The following BAALC variants were observed in gnomAD, a reference collection of about 807,000 sequenced individuals.
BAALC encodes the protein BAALC binder of MAP3K1 and KLF4, also known as brain and acute leukemia cytoplasmic protein.
BAALC carries 9 observed loss-of-function variants against 15.5 expected under a neutral mutation model. That is an observed-to-expected ratio of 0.58 (90% CI 0.35 to 1.02). BAALC has a LOEUF of 1.02. Among genes scored for constraint, BAALC ranks in the 50% least tolerant of loss-of-function variants. The pLI, the probability that BAALC is intolerant of heterozygous loss-of-function variation, is 0.02. For missense variants in BAALC, 201 were observed against 192.4 expected (o/e 1.04, Z -0.27); for synonymous variants, 80 against 74.6 (o/e 1.07, Z -0.37).
intron 1 of BAALC, among the ~76,000 whole-genome samples, chr8:103,162,628 T>C (rs760087990): frequency 3.9e-5 from 6 of 152,172 alleles, no homozygotes; most frequent in Non-Finnish European, 8.8e-5. Context: ...TCGGAAATTA[T>C]ACAGTTTATT....
intron 1 of BAALC, among the ~76,000 whole-genome samples, chr8:103,192,698 C>G (rs1221670051): frequency 6.6e-6 from 1 of 152,204 alleles, no homozygotes; most frequent in African/African-American, 2.4e-5. Flanking sequence ...GGCAGCACCC[C>G]CAAGGCAAGT....
intron 1 of BAALC, among the ~76,000 whole-genome samples, chr8:103,159,109 A>G (rs1241290563): frequency 6.6e-6 from 1 of 152,184 alleles, no homozygotes; most frequent in East Asian, 1.9e-4. Context: ...TGATAGAACA[A>G]TAGGCTTGAC....
chr8:103,145,430 GA>G (rs201424634), intron 1 of BAALC, among the ~76,000 whole-genome samples: 5,356 of 152,246 alleles, frequency 0.035, 107 homozygotes, highest in South Asian at 0.053. Context: ...AGGTAGGCCT[GA>G]CCACATTCTC....
chr8:103,172,331 G>T (rs1296122709), intron 1 of BAALC, among the ~76,000 whole-genome samples: 1 of 149,810 alleles, frequency 6.7e-6, no homozygotes, highest in Non-Finnish European at 1.5e-5. Context: ...AGCATCTTTT[G>T]CTTTAGGAAG....
intron 1 of BAALC, among the ~76,000 whole-genome samples, chr8:103,149,533 T>C (rs1810939728): frequency 1.3e-5 from 2 of 152,238 alleles, no homozygotes; most frequent in Non-Finnish European, 2.9e-5. Flanking sequence ...GTTTCATCTT[T>C]CAGGTCCCAT....
intron 1 of BAALC, among the ~76,000 whole-genome samples, chr8:103,169,943 C>T (rs72671392): frequency 0.086 from 13,119 of 152,186 alleles, 759 homozygotes; most frequent in Middle Eastern, 0.13. Flanking sequence ...TATCTAGTGG[C>T]TTCCATTCCT....
At chr8:103,210,081 T>C (rs1213988524) in intron 1 of BAALC, among the ~76,000 whole-genome samples, 3 of 151,952 alleles carry the variant, frequency 2.0e-5, no homozygotes, top group African/African-American at 7.3e-5. Flanking sequence ...CAGGGAGGAG[T>C]GGGCAGAGAT....
intron 1 of BAALC, among the ~76,000 whole-genome samples, chr8:103,207,284 G>A (rs144192139): frequency 4.6e-5 from 7 of 152,246 alleles, no homozygotes; most frequent in Admixed American, 2.0e-4. Flanking sequence ...TCATTAACAC[G>A]TATATTTTAC....
chr8:103,160,938 C>G (rs1811210521), intron 1 of BAALC, among the ~76,000 whole-genome samples: 1 of 152,120 alleles, frequency 6.6e-6, no homozygotes, highest in Non-Finnish European at 1.5e-5. Flanking sequence ...AAATGTTAAT[C>G]TCCTTTGGCA....
chr8:103,186,043 C>A (rs538165059), intron 1 of BAALC, among the ~76,000 whole-genome samples: 2 of 152,270 alleles, frequency 1.3e-5, no homozygotes, highest in South Asian at 4.1e-4. Flanking sequence ...CACCTGAGCA[C>A]AATGTGAGTG....
chr8:103,181,862 AAAGTT>A (rs1811737450), intron 1 of BAALC, among the ~76,000 whole-genome samples: 1 of 152,212 alleles, frequency 6.6e-6, no homozygotes, highest in Non-Finnish European at 1.5e-5. Context: ...TTTTGCAACC[AAAGTT>A]AAGAACTCCA....
At chr8:103,197,444 G>T (rs1812120857) in intron 1 of BAALC, among the ~76,000 whole-genome samples, 1 of 152,160 alleles carries the variant, frequency 6.6e-6, no homozygotes, top group East Asian at 1.9e-4. Context: ...TCTTAGATAT[G>T]AATTGTTTTT....
chr8:103,141,134 C>T, intron 1 of BAALC, 77 bp downstream of exon 1: 1 of 1,358,858 alleles, frequency 7.4e-7, no homozygotes, highest in African/African-American at 1.5e-5. Context: ...AGAGAGGAGC[C>T]GGTTCCCTGA....
chr8:103,160,436 C>T (rs1402906950), intron 1 of BAALC, among the ~76,000 whole-genome samples: 1 of 152,128 alleles, frequency 6.6e-6, no homozygotes, highest in Non-Finnish European at 1.5e-5. Context: ...ATTATGTTCC[C>T]TGCCTCCAGA....
At chr8:103,179,504 A>AG (rs1811679840) in intron 1 of BAALC, among the ~76,000 whole-genome samples, 1 of 152,264 alleles carries the variant, frequency 6.6e-6, no homozygotes, top group Admixed American at 6.5e-5. Context: ...GCGGAGTCAC[A>AG]GACTTTTAGC....
intron 1 of BAALC, among the ~76,000 whole-genome samples, chr8:103,201,103 C>T (rs1308682633): frequency 6.6e-6 from 1 of 152,072 alleles, no homozygotes; most frequent in Non-Finnish European, 1.5e-5. Flanking sequence ...ATTAAATCTG[C>T]TGACTTTGTG....
chr8:103,229,244 A>G lies in BAALC; in HGVS notation c.*1145A>G, dbSNP rs1812870798. 6.6e-6 allele frequency: 1 copy of G among 152,234 alleles called. No individual in the cohort carries two copies. Among genetic ancestry groups the G allele is most frequent in the Non-Finnish European group, 1.5e-5 (1 of 68,040 alleles). The allele number at this position is 152,234 out of a possible 1,614,324, so 9.4% of individuals were successfully genotyped here. On this transcript the variant is annotated 3_prime_UTR_variant, in exon 3 of 3. Coordinates refer to ENST00000309982, the MANE Select transcript of BAALC (RefSeq NM_024812.3). ...GTTCATCTGGAAGTATTTTCCTCCA[A>G]AGTAATGTAGCATGATTTTTCAAGG...
At chr8:103,145,819 C>T (rs1353010686) in intron 1 of BAALC, among the ~76,000 whole-genome samples, 2 of 152,154 alleles carry the variant, frequency 1.3e-5, no homozygotes, top group Non-Finnish European at 2.9e-5. Context: ...GAATTTCTTT[C>T]CTTATGAATC....
intron 1 of BAALC, among the ~76,000 whole-genome samples, chr8:103,181,284 T>G (rs1215544564): frequency 6.6e-6 from 1 of 152,158 alleles, no homozygotes; most frequent in Non-Finnish European, 1.5e-5. Context: ...TTTTTGTTGT[T>G]GTTTTTGAGA....
Sources: allele counts gnomAD v4.1 joint callset (sites outside exome capture counted in the v4.1 genomes callset), GRCh38; gene constraint gnomAD v4.1.1; transcripts MANE v1.5; gene names NCBI Gene and HGNC (gene_info 2026-07-23, HGNC 2026-07-21).